Variants in DYNC2H1 observed in about 807,000 individuals in gnomAD.
DYNC2H1 encodes the protein dynein cytoplasmic 2 heavy chain 1.
Under a neutral mutation model 570.0 loss-of-function variants are expected in DYNC2H1, and 410 were observed. The observed-to-expected ratio is 0.72, with a 90% CI of 0.66 to 0.78. The LOEUF is 0.78. Among genes scored for constraint, DYNC2H1 ranks in the 30% least tolerant of loss-of-function variants. The pLI, the probability that DYNC2H1 is intolerant of heterozygous loss-of-function variation, is 0.00. For synonymous variants in DYNC2H1, 1,688 were observed against 1,677.6 expected, an observed-to-expected ratio of 1.01 and a Z score of -0.15; for missense variants, 4,865 against 5,046.4, an observed-to-expected ratio of 0.96 and a Z score of 1.09.
intron 84 of DYNC2H1, chr11:103,403,320 T>C (rs943869640): frequency 1.3e-5 from 2 of 152,026 alleles, no homozygotes; most frequent in African/African-American, 4.8e-5. Context: ...GTAGGGGGTG[T>C]GTAATAAATG....
chr11:103,303,574 A>G (rs1226286954), intron 76 of DYNC2H1, among the ~76,000 whole-genome samples: 1 of 152,124 alleles, frequency 6.6e-6, no homozygotes, highest in Non-Finnish European at 1.5e-5. Context: ...TAGAGGTCAG[A>G]GAAGTGAGAA....
intron 67 of DYNC2H1, 132 bp from the exon 68 acceptor site, chr11:103,255,974 T>C (rs1290221970): frequency 9.5e-6 from 7 of 737,570 alleles, no homozygotes; most frequent in Non-Finnish European, 1.4e-5. Flanking sequence ...AAGAGGGCTA[T>C]AAAATGTTGA....
intron 83 of DYNC2H1, among the ~76,000 whole-genome samples, chr11:103,375,325 G>A (rs1941348190): frequency 6.6e-6 from 1 of 152,196 alleles, no homozygotes; most frequent in African/African-American, 2.4e-5. Flanking sequence ...CTAGGGCAGT[G>A]CAGAAGGGAA....
At chr11:103,304,034 C>CT (rs1036231395) in intron 76 of DYNC2H1, among the ~76,000 whole-genome samples, 8 of 151,330 alleles carry the variant, frequency 5.3e-5, no homozygotes, top group Non-Finnish European at 1.2e-4. Flanking sequence ...TTCAGGGTGC[C>CT]TTTTTTTCAA....
chr11:103,368,251 T>G (rs1394491309), intron 83 of DYNC2H1, among the ~76,000 whole-genome samples: 1 of 152,198 alleles, frequency 6.6e-6, no homozygotes, highest in African/African-American at 2.4e-5. Context: ...TCTCAATATC[T>G]TTACTAACAC....
In DYNC2H1 at chr11:103,378,052, C is replaced by T. The variant is rs1363284963; in HGVS notation, c.12156+19693C>T. On this transcript the variant is annotated intron_variant, in intron 83 of 88. Coordinates refer to ENST00000375735, the MANE Select transcript of DYNC2H1 (RefSeq NM_001377.3). ...ATGCCAGGCTGAAGGCTGCTTTTTACATTTTCTTCCAAAGATGTGCACATG... is the reference window on the plus strand; with the variant it reads ...ATGCCAGGCTGAAGGCTGCTTTTTATATTTTCTTCCAAAGATGTGCACATG... Among the ~76,000 whole-genome samples, 3 of 152,182 alleles carry T rather than the reference C, an allele frequency of 2.0e-5. No individual in the cohort carries two copies. In the East Asian group the frequency reaches 5.8e-4, roughly 29 times the overall value.
Position 103,157,221 on chromosome 11 carries a change from T to C in DYNC2H1, c.4127+451T>C, listed in dbSNP as rs1362739470. Among the ~76,000 whole-genome samples the C allele has an allele frequency of 6.6e-6, 1 of 152,204 alleles. No homozygotes were observed. The highest frequency in any genetic ancestry group is 2.4e-5 in the African/African-American group (1 of 41,466). On this transcript the variant is annotated intron_variant, in intron 26 of 88. Coordinates refer to ENST00000375735, the MANE Select transcript of DYNC2H1 (RefSeq NM_001377.3). The surrounding 1 kb of genome is among the most constrained non-coding windows in gnomAD (Gnocchi z 4.2). Reference sequence around the variant, plus strand: ...TTAGCTGTCTCCAAATCTTTAGATGTAGTCATTCTCCAGGCCTCAGCCTTC... The same window carrying C: ...TTAGCTGTCTCCAAATCTTTAGATGCAGTCATTCTCCAGGCCTCAGCCTTC...
rs1383836450 is a variant in DYNC2H1 at position 103,158,696 on chromosome 11, A to C, written c.4147A>C (p.Lys1383Gln). Residue 1383 changes from lysine to glutamine, a missense_variant, in exon 27 of 89, where the codon AAG (lysine) becomes CAG (glutamine). By Grantham distance (53) the Lys-to-Gln change is moderately conservative. Coordinates refer to ENST00000375735, the MANE Select transcript of DYNC2H1 (RefSeq NM_001377.3). ...EDFRSIMTDI[K>Q]KDNRVTTLTT... is the part of the protein sequence containing the mutation. The stretch of plus-strand genomic sequence containing the variant: ...TTGTAGATCAATAATGACTGATATC[A>C]AGAAAGACAATAGAGTCACAACATT... 1.3e-6 allele frequency: 2 copies of C among 1,524,434 alleles called. No homozygotes were observed. Among genetic ancestry groups the C allele is most frequent in the East Asian group, 2.4e-5 (1 of 42,184 alleles). The allele number at this position is 1,524,434 out of a possible 1,614,324, so 94.4% of individuals were successfully genotyped here. A position where few individuals can be genotyped will look rare whatever the true frequency, so the allele number is the denominator to read the frequency against.
intron 75 of DYNC2H1, among the ~76,000 whole-genome samples, chr11:103,301,457 G>A (rs1477634704): frequency 6.6e-6 from 1 of 151,886 alleles, no homozygotes; most frequent in Non-Finnish European, 1.5e-5. Context: ...ATAACTGAAT[G>A]CTTGAATCAA....
chr11:103,379,234 G>A (rs1348553106), intron 83 of DYNC2H1, among the ~76,000 whole-genome samples: 1 of 152,154 alleles, frequency 6.6e-6, no homozygotes, highest in Non-Finnish European at 1.5e-5. Flanking sequence ...TGCTTAAAGT[G>A]CCCCAACACT....
intron 17 of DYNC2H1, among the ~76,000 whole-genome samples, chr11:103,138,370 T>A (rs1432921017): frequency 6.6e-6 from 1 of 152,146 alleles, no homozygotes; most frequent in Admixed American, 6.6e-5. Flanking sequence ...GGGTTTGTCA[T>A]AGATAGCTCT....
chr11:103,198,567 G>A (rs1445899732), intron 48 of DYNC2H1, among the ~76,000 whole-genome samples: 1 of 152,164 alleles, frequency 6.6e-6, no homozygotes, highest in African/African-American at 2.4e-5. Flanking sequence ...AGAAGAAACA[G>A]TATTGCAAAT....
At chr11:103,238,057 C>T (rs546789846) in intron 63 of DYNC2H1, among the ~76,000 whole-genome samples, 5 of 151,946 alleles carry the variant, frequency 3.3e-5, no homozygotes, top group Admixed American at 6.6e-5. Flanking sequence ...CTGTTATGGT[C>T]GACACTCCAT....
intron 8 of DYNC2H1, 25 bp downstream of exon 8, chr11:103,120,827 T>C (rs1253357593): frequency 1.1e-5 from 15 of 1,364,546 alleles, no homozygotes; most frequent in African/African-American, 1.5e-5. Flanking sequence ...TATTTCACTT[T>C]TAATATTTCT....
intron 6 of DYNC2H1, among the ~76,000 whole-genome samples, chr11:103,119,593 G>C (rs1466675846): frequency 3.9e-5 from 6 of 152,070 alleles, no homozygotes; most frequent in African/African-American, 1.4e-4. Context: ...GCCCACCTCG[G>C]CCTCTCAAAG....
chr11:103,318,943 A>G (rs118070112), intron 80 of DYNC2H1, among the ~76,000 whole-genome samples: 2,178 of 152,196 alleles, frequency 0.014, 24 homozygotes, highest in Middle Eastern at 0.031. Flanking sequence ...CACTACGTGA[A>G]CTGTTGTTTT....
In DYNC2H1 at chr11:103,319,151, C is replaced by A. The variant is rs1938031203; in HGVS notation, c.11726-1878C>A. ...ATTTGAATGATGTATCATTGTGTTT[C>A]ACGTTTGTGATAGAATTAATTAATA... On this transcript the variant is annotated intron_variant, in intron 80 of 88. Transcript: ENST00000375735. This position sits in a 1 kb window ranked among gnomAD's most constrained non-coding sequence, Gnocchi z 4.3. Among the ~76,000 whole-genome samples, 1 of 152,050 alleles carries A rather than the reference C, an allele frequency of 6.6e-6. No individual in the cohort carries two copies. Among genetic ancestry groups the A allele is most frequent in the South Asian group, 2.1e-4 (1 of 4,824 alleles).
chr11:103,393,345 C>T (rs1404867753), intron 83 of DYNC2H1, among the ~76,000 whole-genome samples: 1 of 152,150 alleles, frequency 6.6e-6, no homozygotes, highest in Non-Finnish European at 1.5e-5. Flanking sequence ...TACTAGTTTG[C>T]CTGTTTACTT....
chr11:103,376,396 T>C (rs967057545), intron 83 of DYNC2H1, among the ~76,000 whole-genome samples: 1 of 152,240 alleles, frequency 6.6e-6, no homozygotes, highest in Non-Finnish European at 1.5e-5. Flanking sequence ...TCCTTTCTTC[T>C]TGTTTAAATC....
Sources: gnomAD v4.1 joint callset for allele counts (sites outside exome capture counted in the v4.1 genomes callset) on GRCh38, gnomAD v4.1.1 for gene constraint, Gnocchi (gnomAD v3.1) non-coding constraint, MANE v1.5 for transcripts, NCBI Gene and HGNC (gene_info 2026-07-23, HGNC 2026-07-21) for gene names.